ZNF35: variants seen among roughly 807,000 people sequenced by gnomAD.
ZNF35 encodes zinc finger protein 35, also known as zinc finger protein 35 (clone HF.10).
Under a neutral mutation model 45.9 loss-of-function variants are expected in ZNF35, and 31 were observed. The ratio of observed to expected loss-of-function variants is 0.68; its 90% CI spans 0.51 to 0.91. The LOEUF is 0.91. Ranked by LOEUF, ZNF35 falls within the 40% of genes least tolerant of loss-of-function variation. The pLI, the probability that ZNF35 is intolerant of heterozygous loss-of-function variation, is 0.00. For missense variants in ZNF35, 515 were observed against 625.4 expected (o/e 0.82, Z 1.88); for synonymous variants, 205 against 220.2 (o/e 0.93, Z 0.61).
At chr3:44,646,640 A>G (rs530400924), upstream of ZNF35, 22 of 704,888 alleles carry the variant, frequency 3.1e-5, no homozygotes, top group East Asian at 5.1e-4. Context: ...AAATTGTTCA[A>G]GCTGTCTTGA....
Position 44,650,954 on chromosome 3 carries a change from T to C in ZNF35, c.-114T>C, listed in dbSNP as rs1374284439. On this transcript the variant is annotated 5_prime_UTR_variant, in exon 2 of 4. Transcript: ENST00000396056. Reference sequence around the variant, plus strand: ...CTGATTTCTCAGTAGGCAGTACTCATCTTGGCCCTGGGAAGAAACTCAAGA... The same window carrying C: ...CTGATTTCTCAGTAGGCAGTACTCACCTTGGCCCTGGGAAGAAACTCAAGA... The C allele has an allele frequency of 3.8e-6, 4 of 1,043,184 alleles. No homozygotes were observed. 64.6% of individuals were successfully genotyped at this position (1,043,184 alleles called of 1,614,324 possible).
chr3:44,653,029 G>A (rs1178502984), intron 3 of ZNF35, among the ~76,000 whole-genome samples: 2 of 152,194 alleles, frequency 1.3e-5, no homozygotes, highest in Non-Finnish European at 1.5e-5. Flanking sequence ...TATGTACAGG[G>A]TAGACAGTCT....
At chr3:44,649,919 T>TA (rs1703154587) in intron 1 of ZNF35, among the ~76,000 whole-genome samples, 2 of 152,314 alleles carry the variant, frequency 1.3e-5, no homozygotes, top group African/African-American at 2.4e-5. Flanking sequence ...GAAATTGAGT[T>TA]AAAAAACAAT....
intron 3 of ZNF35, among the ~76,000 whole-genome samples, chr3:44,656,548 A>G (rs1235159360): frequency 1.3e-5 from 2 of 151,748 alleles, no homozygotes; most frequent in African/African-American, 4.8e-5. Flanking sequence ...CTGCCACAAC[A>G]CCCACCTATT....
Position 44,659,911 on chromosome 3 carries a change from C to T in ZNF35, c.1548C>T (p.His516=), listed in dbSNP as rs781162489. The T allele has an allele frequency of 4.4e-6, 7 of 1,585,612 alleles. No individual in the cohort carries two copies. Among genetic ancestry groups the T allele is most frequent in the South Asian group, 3.5e-5 (3 of 86,066 alleles). ...KCGAAFISNS[H]LMRHHRTHLV... is the part of the protein sequence containing the mutation. The stretch of plus-strand genomic sequence containing the variant: ...GTGCAGCTTTCATTTCCAACTCACA[C>T]CTCATGCGACACCATAGAACCCATC... Residue 516 remains histidine (H), a synonymous_variant, in exon 4 of 4, where the codon CAC becomes CAT. Coordinates refer to ENST00000396056, the MANE Select transcript of ZNF35 (RefSeq NM_003420.4). The surrounding 1 kb of genome is among the most constrained non-coding windows in gnomAD (Gnocchi z 4.3).
intron 2 of ZNF35, among the ~76,000 whole-genome samples, chr3:44,651,930 A>G (rs1288507070): frequency 6.6e-6 from 1 of 152,058 alleles, no homozygotes; most frequent in Non-Finnish European, 1.5e-5. Context: ...AATGCTAACC[A>G]GAGCTTCTAA....
intron 3 of ZNF35, among the ~76,000 whole-genome samples, chr3:44,656,392 GA>G (rs1703302927): frequency 1.4e-5 from 2 of 139,170 alleles, no homozygotes; most frequent in Non-Finnish European, 3.2e-5. Flanking sequence ...TAGCATTTCA[GA>G]TTTTTTTTTT....
chr3:44,651,016 A>G lies in ZNF35; in HGVS notation c.-52A>G, dbSNP rs1703191954. On this transcript the variant is annotated 5_prime_UTR_variant, in exon 2 of 4. Coordinates refer to ENST00000396056, the MANE Select transcript of ZNF35 (RefSeq NM_003420.4). ...AAACATAAAGCTTGGATGGGGTTTGACCTCTGCAGGGCAGCGCCCAGCTAT... is the reference window on the plus strand; with the variant it reads ...AAACATAAAGCTTGGATGGGGTTTGGCCTCTGCAGGGCAGCGCCCAGCTAT... 2 of 1,554,596 alleles carry G rather than the reference A, an allele frequency of 1.3e-6. No homozygotes were observed. The highest frequency in any genetic ancestry group is 1.2e-5 in the South Asian group (1 of 83,856).
Position 44,659,202 on chromosome 3 carries a change from G to A in ZNF35, c.839G>A (p.Cys280Tyr), listed in dbSNP as rs1285549987. Residue 280 changes from cysteine to tyrosine, a missense_variant, in exon 4 of 4, where the codon TGC becomes TAC. Cys to Tyr is a radical substitution (Grantham distance 194). Around this residue, in one of 3 missense-constraint regions of ZNF35, gnomAD observed 232 missense variants for 304.6 expected, o/e 0.76. Coordinates refer to ENST00000396056, the MANE Select transcript of ZNF35 (RefSeq NM_003420.4). The surrounding 1 kb of genome is among the most constrained non-coding windows in gnomAD (Gnocchi z 4.3). Reference sequence around the variant, plus strand: ...CACACTGGACAGAAACCTTATGTTTGCTCAAAATGTGGGAAAGCCTTCACT... The same window carrying A: ...CACACTGGACAGAAACCTTATGTTTACTCAAAATGTGGGAAAGCCTTCACT... The part of the protein sequence containing the change: ...RIHTGQKPYV[C>Y]SKCGKAFTQS... 6.2e-7 allele frequency: 1 copy of A among 1,614,168 alleles called. No homozygotes were observed. The highest frequency in any genetic ancestry group is 2.2e-5 in the East Asian group (1 of 44,878).
chr3:44,650,941 T>C lies in ZNF35; in HGVS notation c.-127T>C. 1 of 855,762 alleles carries C rather than the reference T, an allele frequency of 1.2e-6. No homozygotes were observed. Among genetic ancestry groups the C allele is most frequent in the South Asian group, 2.2e-5 (1 of 45,164 alleles). 53.0% of individuals were successfully genotyped at this position (855,762 alleles called of 1,614,324 possible). On this transcript the variant is annotated splice_region_variant and 5_prime_UTR_variant, in exon 2 of 4. Coordinates refer to ENST00000396056, the MANE Select transcript of ZNF35 (RefSeq NM_003420.4). Reference sequence around the variant, plus strand: ...CTAACAGTGTTTTCTGATTTCTCAGTAGGCAGTACTCATCTTGGCCCTGGG... The same window carrying C: ...CTAACAGTGTTTTCTGATTTCTCAGCAGGCAGTACTCATCTTGGCCCTGGG...
upstream of ZNF35, chr3:44,647,200 T>C: frequency 6.6e-6 from 1 of 150,758 alleles, no homozygotes; most frequent in South Asian, 2.1e-4. Context: ...AGATAGCAAA[T>C]AAGCAAATGA....
chr3:44,655,213 AT>A (rs1431314152), intron 3 of ZNF35, among the ~76,000 whole-genome samples: 1 of 152,208 alleles, frequency 6.6e-6, no homozygotes, highest in African/African-American at 2.4e-5. Context: ...ATAATTACAA[AT>A]TTGATATCTT....
At position 44,650,984 on chromosome 3, in the gene ZNF35, G is replaced by T; in HGVS notation, c.-84G>T. 7.3e-7 allele frequency: 1 copy of T among 1,378,778 alleles called. No homozygotes were observed. Among genetic ancestry groups the T allele is most frequent in the Non-Finnish European group, 9.8e-7 (1 of 1,019,308 alleles). 85.4% of individuals were successfully genotyped at this position (1,378,778 alleles called of 1,614,324 possible). On this transcript the variant is annotated 5_prime_UTR_variant, in exon 2 of 4. Transcript: ENST00000396056. ...GCCCTGGGAAGAAACTCAAGAAGAA[G>T]CTTTTGAAACATAAAGCTTGGATGG...
chr3:44,652,410 T>C (rs1703220675), intron 2 of ZNF35, 147 bp from the exon 3 acceptor site: 1 of 779,990 alleles, frequency 1.3e-6, no homozygotes, highest in East Asian at 2.9e-5. Flanking sequence ...ACCCTGGGGG[T>C]TGGAGGAGAC....
Position 44,659,721 on chromosome 3 carries a change from A to G in ZNF35, c.1358A>G (p.Lys453Arg), listed in dbSNP as rs1278888038. The stretch of plus-strand genomic sequence containing the variant: ...CCTTACGTGTGTAATGAATGTGGGA[A>G]GGCCTTCACATGTAGCTCATACCTA... ...DLPYVCNECG[K>R]AFTCSSYLLI... The change falls in exon 4 of 4, where the codon AAG becomes AGG. Residue 453 changes from lysine (K) to arginine (R), a missense_variant. Physicochemically the swap from Lys to Arg is conservative, Grantham distance 26 (BLOSUM62 2). Around this residue, in one of 3 missense-constraint regions of ZNF35, gnomAD observed 232 missense variants for 304.6 expected, o/e 0.76. Coordinates refer to ENST00000396056, the MANE Select transcript of ZNF35 (RefSeq NM_003420.4). This position sits in a 1 kb window ranked among gnomAD's most constrained non-coding sequence, Gnocchi z 4.3. 6.2e-7 allele frequency: 1 copy of G among 1,614,108 alleles called. No homozygotes were observed. Among genetic ancestry groups the G allele is most frequent in the African/African-American group, 1.3e-5 (1 of 74,932 alleles).
At chr3:44,658,385 A>G (rs1053126844) in intron 3 of ZNF35, among the ~76,000 whole-genome samples, 10 of 152,242 alleles carry the variant, frequency 6.6e-5, no homozygotes, top group African/African-American at 2.4e-4. Context: ...GTCATCATAC[A>G]GCCAGCAGGA....
rs773136348 is a variant in ZNF35, at chr3:44,658,927, C to G, written c.564C>G (p.Phe188Leu). The G allele has an allele frequency of 1.2e-6, 2 of 1,613,668 alleles. No homozygotes were observed. The highest frequency in any genetic ancestry group is 1.7e-6 in the Non-Finnish European group (2 of 1,179,950). ...ATGACTGTCACTTACCTGAAAGCTTCAAAGAAGAGGAAAACCAGAAATGTA... is the reference window on the plus strand; with the variant it reads ...ATGACTGTCACTTACCTGAAAGCTTGAAAGAAGAGGAAAACCAGAAATGTA... Reference protein sequence around the residue: ...IVNDCHLPESFKEEENQKCKK... With the variant: ...IVNDCHLPESLKEEENQKCKK... Residue 188 changes from phenylalanine to leucine, a missense_variant, in exon 4 of 4, where the codon TTC (phenylalanine) becomes TTG (leucine). Transcript: ENST00000396056.
At chr3:44,649,335 G>A (rs1310488022) in intron 1 of ZNF35, among the ~76,000 whole-genome samples, 1 of 152,210 alleles carries the variant, frequency 6.6e-6, no homozygotes, top group Non-Finnish European at 1.5e-5. Context: ...GTTTGTCACA[G>A]GAATGAAAGT....
rs1431922869 is a variant in ZNF35 at position 44,660,302 on chromosome 3, T to G, written c.*355T>G. On this transcript the variant is annotated 3_prime_UTR_variant, in exon 4 of 4. Transcript: ENST00000396056. ...GTTTTTTAAAACTCTGATGATTGCT[T>G]GAGCAACAGGCAGGTTATCTGCCTG... 1 of 169,982 alleles carries G rather than the reference T, an allele frequency of 5.9e-6. No homozygotes were observed. Among genetic ancestry groups the G allele is most frequent in the Non-Finnish European group, 1.3e-5 (1 of 79,120 alleles). 10.5% of individuals were successfully genotyped at this position (169,982 alleles called of 1,614,324 possible). A position where few individuals can be genotyped will look rare whatever the true frequency, so the allele number is the denominator to read the frequency against.
Sources: gnomAD v4.1 joint callset for allele counts (sites outside exome capture counted in the v4.1 genomes callset) on GRCh38, gnomAD v4.1.1 for gene constraint, gnomAD v4.1.1 regional missense constraint, Gnocchi (gnomAD v3.1) non-coding constraint, MANE v1.5 for transcripts, NCBI Gene and HGNC (gene_info 2026-07-23, HGNC 2026-07-21) for gene names.